The following NR6A1 variants were observed in gnomAD, a reference collection of about 807,000 sequenced individuals.
NR6A1 encodes retinoic acid receptor-related testis-associated receptor.
A neutral mutation model predicts 59.1 loss-of-function variants in NR6A1; 7 were observed. The ratio of observed to expected loss-of-function variants is 0.12; its 90% CI spans 0.07 to 0.22. The LOEUF (loss-of-function observed/expected upper bound fraction) is 0.22, where lower values mean the gene tolerates loss of function less well. Ranked by LOEUF, NR6A1 falls within the 10% of genes least tolerant of loss-of-function variation. NR6A1 has a pLI of 1.00. For missense variants in NR6A1, 468 were observed against 611.6 expected (o/e 0.77, Z 2.48); for synonymous variants, 243 against 236.1 (o/e 1.03, Z -0.27).
chr9:124,745,760 C>T (rs1216699794), intron 1 of NR6A1, among the ~76,000 whole-genome samples: 16 of 151,088 alleles, frequency 1.1e-4, no homozygotes, highest in African/African-American at 3.9e-4. Context: ...GCGGGCAGAT[C>T]ACCTGAAGTC....
chr9:124,684,919 T>A (rs1002805142), intron 2 of NR6A1, among the ~76,000 whole-genome samples: 4 of 152,128 alleles, frequency 2.6e-5, no homozygotes, highest in African/African-American at 9.7e-5. Flanking sequence ...CTAAGATGTT[T>A]GACTCATCAG....
At chr9:124,715,844 AAG>A (rs1341790258) in intron 2 of NR6A1, among the ~76,000 whole-genome samples, 1 of 152,214 alleles carries the variant, frequency 6.6e-6, no homozygotes, top group African/African-American at 2.4e-5. Flanking sequence ...TATTGGTAAA[AAG>A]ATTAATAGAA....
At chr9:124,748,946 A>C (rs1840415942) in intron 1 of NR6A1, among the ~76,000 whole-genome samples, 1 of 151,634 alleles carries the variant, frequency 6.6e-6, no homozygotes. Context: ...AGTACCTAGC[A>C]TATAGCAAAT....
At chr9:124,720,872 CAGA>C (rs1839544281) in intron 2 of NR6A1, among the ~76,000 whole-genome samples, 2 of 152,288 alleles carry the variant, frequency 1.3e-5, no homozygotes, top group South Asian at 2.1e-4. Context: ...TTGCCTAACA[CAGA>C]AGGTTTTCTC....
intron 2 of NR6A1, among the ~76,000 whole-genome samples, chr9:124,730,190 AG>A (rs1245066278): frequency 1.3e-5 from 2 of 152,162 alleles, no homozygotes; most frequent in African/African-American, 4.8e-5. Flanking sequence ...TTCCCAATAT[AG>A]AAATTACTGA....
chr9:124,691,207 C>A (rs945583391), intron 2 of NR6A1, among the ~76,000 whole-genome samples: 2 of 152,144 alleles, frequency 1.3e-5, no homozygotes, highest in Non-Finnish European at 2.9e-5. Flanking sequence ...TGTCATAACA[C>A]TGAAAACTCA....
At chr9:124,738,331 G>A (rs1163435281) in intron 1 of NR6A1, among the ~76,000 whole-genome samples, 4 of 152,038 alleles carry the variant, frequency 2.6e-5, no homozygotes, top group Non-Finnish European at 5.9e-5. Context: ...CCCACCTGTC[G>A]CACAGAATAC....
chr9:124,699,647 C>T (rs914586613), intron 2 of NR6A1, among the ~76,000 whole-genome samples: 1 of 152,250 alleles, frequency 6.6e-6, no homozygotes, highest in Non-Finnish European at 1.5e-5. Flanking sequence ...GTATAATTCA[C>T]ATGCAATTAA....
chr9:124,628,798 G>A (rs761703009), intron 2 of NR6A1, among the ~76,000 whole-genome samples: 4 of 151,926 alleles, frequency 2.6e-5, no homozygotes, highest in Non-Finnish European at 4.4e-5. Context: ...ACACCACCAC[G>A]CCCGGCTAAT....
intron 2 of NR6A1, among the ~76,000 whole-genome samples, chr9:124,614,100 C>T (rs1274824881): frequency 6.6e-6 from 1 of 152,166 alleles, no homozygotes; most frequent in Non-Finnish European, 1.5e-5. Context: ...CCAGGTAGAG[C>T]TCAACAGTCC....
intron 2 of NR6A1, among the ~76,000 whole-genome samples, chr9:124,581,576 G>A (rs1283600443): frequency 6.6e-6 from 1 of 152,110 alleles, no homozygotes; most frequent in African/African-American, 2.4e-5. Context: ...TGGAGACAGA[G>A]CAAGACTCCG....
At position 124,701,745 on chromosome 9, in the gene NR6A1, C is replaced by T. The variant is rs554590932; in HGVS notation, c.142+31563G>A. On this transcript the variant is annotated intron_variant, in intron 2 of 9. Coordinates refer to ENST00000487099, the MANE Select transcript of NR6A1 (RefSeq NM_033334.4). ...TATCAGATTTTTTTTTCTTTTGAGT[C>T]GGAGTTTCGCTCTTGTTGCCCAGGC... Among the ~76,000 whole-genome samples, 572 of 151,910 alleles carry T rather than the reference C, an allele frequency of 3.8e-3. 2 individuals carry two copies. Among genetic ancestry groups the T allele is most frequent in the African/African-American group, 4.7e-3 (194 of 41,430 alleles).
At chr9:124,765,044 T>C (rs1270719845) in intron 1 of NR6A1, among the ~76,000 whole-genome samples, 1 of 152,162 alleles carries the variant, frequency 6.6e-6, no homozygotes, top group Non-Finnish European at 1.5e-5. Context: ...TGTAAACAAA[T>C]TGAAGGGTGT....
chr9:124,518,925 T>C lies in NR6A1; in HGVS notation c.*3780A>G, dbSNP rs774804518. On this transcript the variant is annotated 3_prime_UTR_variant, in exon 10 of 10. Transcript: ENST00000487099. ...GGAGGGCCTGGAACCACAGCTCAGC[T>C]TTCTGTCCTGCTGAGAGGCCAGGGT... The C allele has an allele frequency of 2.6e-5, 4 of 152,200 alleles. No homozygotes were observed. The highest frequency in any genetic ancestry group is 7.2e-5 in the African/African-American group (3 of 41,436). 9.4% of individuals were successfully genotyped at this position (152,200 alleles called of 1,614,324 possible). A position where few individuals can be genotyped will look rare whatever the true frequency, so the allele number is the denominator to read the frequency against.
chr9:124,717,827 T>A (rs1279823897), intron 2 of NR6A1, among the ~76,000 whole-genome samples: 3 of 152,186 alleles, frequency 2.0e-5, no homozygotes, highest in African/African-American at 7.2e-5. Flanking sequence ...AGTTTCCTCA[T>A]CTGTAAAATG....
At chr9:124,539,701 C>CA (rs34213623) in intron 5 of NR6A1, among the ~76,000 whole-genome samples, 1 of 152,060 alleles carries the variant, frequency 6.6e-6, no homozygotes, top group Admixed American at 6.6e-5. Context: ...TCAAAACTGT[C>CA]AAAAAGGTTT....
chr9:124,577,209 C>G (rs944769952), intron 2 of NR6A1, among the ~76,000 whole-genome samples: 2 of 152,130 alleles, frequency 1.3e-5, no homozygotes, highest in Admixed American at 6.5e-5. Context: ...ACACTCAGTG[C>G]AATTATACCA....
chr9:124,545,676 TACA>T (rs565586050), intron 3 of NR6A1, among the ~76,000 whole-genome samples: 8 of 152,356 alleles, frequency 5.3e-5, no homozygotes, highest in African/African-American at 1.7e-4. Flanking sequence ...GTCACTGGAA[TACA>T]ACACCAAATG....
chr9:124,689,444 C>T (rs1838453446), intron 2 of NR6A1, among the ~76,000 whole-genome samples: 1 of 152,068 alleles, frequency 6.6e-6, no homozygotes, highest in African/African-American at 2.4e-5. Context: ...AAGAATCATC[C>T]AATTTGGAAA....
Sources: gnomAD v4.1 joint callset for allele counts (sites outside exome capture counted in the v4.1 genomes callset) on GRCh38, gnomAD v4.1.1 for gene constraint, MANE v1.5 for transcripts, NCBI Gene and HGNC (gene_info 2026-07-23, HGNC 2026-07-21) for gene names.